Variants in HYDIN observed in about 807,000 individuals in gnomAD.
HYDIN encodes the protein HYDIN axonemal central pair apparatus protein, also known as axonemal central pair apparatus protein HYDIN.
Under a neutral mutation model 403.9 loss-of-function variants are expected in HYDIN, and 132 were observed. The observed-to-expected ratio is 0.33, with a 90% confidence interval of 0.28 to 0.38. The LOEUF is 0.38. Among genes scored for constraint, HYDIN ranks in the 10% least tolerant of loss-of-function variants. The probability of loss-of-function intolerance (pLI) is 1.00; values close to 1 mark genes in which losing one functional copy is unlikely to be tolerated. For missense variants in HYDIN, 2,827 were observed against 5,009.5 expected (o/e 0.56, Z 13.15); for synonymous variants, 1,202 against 1,891.7 (o/e 0.64, Z 9.46).
At chr16:70,872,884 CCATT>C (rs1394596868) in intron 64 of HYDIN, among the ~76,000 whole-genome samples, 1 of 150,074 alleles carries the variant, frequency 6.7e-6, no homozygotes. Flanking sequence ...ACCCATCCAT[CCATT>C]AATTCATCTA....
chr16:70,960,607 C>T (rs1350438002), intron 38 of HYDIN, among the ~76,000 whole-genome samples: 1 of 151,740 alleles, frequency 6.6e-6, no homozygotes, highest in Non-Finnish European at 1.5e-5. Flanking sequence ...TAGGATGACA[C>T]TCTGAATTTT....
chr16:71,152,791 A>T lies in HYDIN; in HGVS notation c.717-8T>A. On this transcript the variant is annotated splice_region_variant and splice_polypyrimidine_tract_variant and intron_variant, in intron 6 of 85. Coordinates refer to ENST00000393567, the MANE Select transcript of HYDIN (RefSeq NM_001270974.2). ...GGTTCTATAGAGAAAGGCCTGCAAC[A>T]CACAGAGAGGCACATCATCAGAGCA... The T allele has an allele frequency of 1.9e-6, 3 of 1,550,554 alleles. No individual in the cohort carries two copies. The highest frequency in any genetic ancestry group is 2.6e-6 in the Non-Finnish European group (3 of 1,144,374).
chr16:70,832,733 A>T, intron 80 of HYDIN, 115 bp downstream of exon 80: 1 of 706,952 alleles, frequency 1.4e-6, no homozygotes, highest in Non-Finnish European at 2.4e-6. Context: ...GAAACGGTGT[A>T]TTCACAGGCC....
chr16:70,942,173 C>T (rs917185725), intron 42 of HYDIN, among the ~76,000 whole-genome samples: 28 of 150,540 alleles, frequency 1.9e-4, no homozygotes, highest in African/African-American at 6.1e-4. Context: ...TACAGGTGCC[C>T]ACCACCAGGC....
chr16:70,837,652 A>C, intron 77 of HYDIN, 38 bp downstream of exon 77: 3 of 1,612,218 alleles, frequency 1.9e-6, no homozygotes, highest in Admixed American at 3.3e-5. Context: ...GGTAGAAAGG[A>C]GGGTGCCACG....
At chr16:70,899,953 G>T (rs2076317520) in intron 53 of HYDIN, among the ~76,000 whole-genome samples, 1 of 151,612 alleles carries the variant, frequency 6.6e-6, no homozygotes, top group Non-Finnish European at 1.5e-5. Flanking sequence ...GTGGAGGCAG[G>T]CATTGTCTCA....
rs2076965901 is a variant in HYDIN, at chr16:70,920,645, T to C, written c.7731A>G (p.Glu2577=). 1.2e-6 allele frequency: 2 copies of C among 1,613,988 alleles called. No homozygotes were observed. The highest frequency in any genetic ancestry group is 1.6e-4 in the Middle Eastern group (1 of 6,062). The change falls in exon 46 of 86, where the codon GAA becomes GAG. Residue 2577 remains glutamate (E), a synonymous_variant. Transcript: ENST00000393567. ...CTAGGGCCTGCTTCCAGCTCAAGCCTTCAAAGTCTGGTGTCTGGATGTCTA... is the reference window on the plus strand; with the variant it reads ...CTAGGGCCTGCTTCCAGCTCAAGCCCTCAAAGTCTGGTGTCTGGATGTCTA... ...PFLDIQTPDF[E]GLSWKQALES...
At chr16:70,850,783 A>G (rs938078723) in intron 73 of HYDIN, 128 bp from the exon 74 acceptor site, 1 of 810,268 alleles carries the variant, frequency 1.2e-6, no homozygotes, top group Non-Finnish European at 1.9e-6. Flanking sequence ...ATGACATTTT[A>G]AGATTTGTGG....
intron 3 of HYDIN, among the ~76,000 whole-genome samples, chr16:71,181,193 C>T (rs980467133): frequency 6.9e-6 from 1 of 145,576 alleles, no homozygotes; most frequent in African/African-American, 2.5e-5. Context: ...CAATGCAATA[C>T]ATTAAAAAAA....
Position 70,805,971 on chromosome 16 carries a change from C to T in HYDIN, c.*1609G>A, listed in dbSNP as rs1475811378. On this transcript the variant is annotated 3_prime_UTR_variant, in exon 86 of 86. Coordinates refer to ENST00000393567, the MANE Select transcript of HYDIN (RefSeq NM_001270974.2). The stretch of plus-strand genomic sequence containing the variant: ...CATCCTGCTCAGGATGTGAATCATC[C>T]CCTCGTCTAGCGTATGCATGCTGTA... Among the ~76,000 whole-genome samples the T allele has an allele frequency of 2.0e-5, 3 of 152,094 alleles. No homozygotes were observed. Among genetic ancestry groups the T allele is most frequent in the Admixed American group, 6.5e-5 (1 of 15,274 alleles).
At chr16:70,927,689 C>A (rs974416140) in intron 45 of HYDIN, among the ~76,000 whole-genome samples, 1 of 152,240 alleles carries the variant, frequency 6.6e-6, no homozygotes, top group African/African-American at 2.4e-5. Flanking sequence ...GCCAAGAACC[C>A]TCTGGGCTAA....
chr16:71,017,431 T>C (rs1238957924), intron 23 of HYDIN, among the ~76,000 whole-genome samples: 1 of 151,976 alleles, frequency 6.6e-6, no homozygotes, highest in Non-Finnish European at 1.5e-5. Context: ...TATGCCTTGC[T>C]TCCCCTTCAC....
intron 3 of HYDIN, among the ~76,000 whole-genome samples, chr16:71,181,742 T>G (rs2086913000): frequency 1.3e-5 from 2 of 152,126 alleles, no homozygotes; most frequent in African/African-American, 4.8e-5. Flanking sequence ...ATTCAATAAA[T>G]ATTGAGTTTC....
chr16:71,084,345 A>C (rs1230319976), intron 12 of HYDIN, among the ~76,000 whole-genome samples: 1 of 124,960 alleles, frequency 8.0e-6, no homozygotes, highest in Non-Finnish European at 1.6e-5. Context: ...TCTGAAAACT[A>C]TTGCTTATTT....
chr16:71,126,853 C>T (rs1033051516), intron 9 of HYDIN, among the ~76,000 whole-genome samples: 2 of 152,036 alleles, frequency 1.3e-5, no homozygotes, highest in African/African-American at 4.8e-5. Context: ...TTTCCCAACT[C>T]ACTCATCTGA....
chr16:70,938,331 G>A (rs1199938179), intron 44 of HYDIN, among the ~76,000 whole-genome samples: 1 of 152,256 alleles, frequency 6.6e-6, no homozygotes, highest in Non-Finnish European at 1.5e-5. Context: ...CAGCACAGAG[G>A]CCAGTGGCCC....
At chr16:70,850,779 T>C in intron 73 of HYDIN, 124 bp from the exon 74 acceptor site, 1 of 860,818 alleles carries the variant, frequency 1.2e-6, no homozygotes, top group Non-Finnish European at 1.8e-6. Context: ...TATGATGACA[T>C]TTTAAGATTT....
chr16:70,822,642 C>T (rs1330827026), intron 83 of HYDIN, among the ~76,000 whole-genome samples: 3 of 152,182 alleles, frequency 2.0e-5, no homozygotes, highest in Non-Finnish European at 4.4e-5. Context: ...ATTTATATGG[C>T]AAATTTCATT....
Position 70,970,736 on chromosome 16 carries a change from C to A in HYDIN, c.5403G>T (p.Val1801=), listed in dbSNP as rs1185383465. 6.4e-7 allele frequency: 1 copy of A among 1,567,728 alleles called. No homozygotes were observed. Among genetic ancestry groups the A allele is most frequent in the Admixed American group, 1.9e-5 (1 of 52,232 alleles). The change falls in exon 36 of 86, where the codon GTG becomes GTT. Residue 1801 remains valine, a synonymous_variant. Coordinates refer to ENST00000393567, the MANE Select transcript of HYDIN (RefSeq NM_001270974.2). ...KEEKFYSQTL[V]FQIAQSAQKL... ...TTTGAGCACTCTGGGCAATCTGAAA[C>A]ACCAGGGTTTGGCTGTAGAATTTCT...
Sources: gnomAD v4.1 joint callset for allele counts (sites outside exome capture counted in the v4.1 genomes callset) on GRCh38, gnomAD v4.1.1 for gene constraint, MANE v1.5 for transcripts, NCBI Gene and HGNC (gene_info 2026-07-23, HGNC 2026-07-21) for gene names.